The following KANK4 variants were observed in gnomAD, a reference collection of about 807,000 sequenced individuals.
KANK4 encodes the protein KN motif and ankyrin repeat domain-containing protein 4.
KANK4 carries 50 observed loss-of-function variants against 80.8 expected under a neutral mutation model. The ratio of observed to expected loss-of-function variants is 0.62; its 90% CI spans 0.49 to 0.78. KANK4 has a LOEUF of 0.78. KANK4 is among the 30% of genes least tolerant of loss of function. KANK4 has a pLI of 0.00. For synonymous variants in KANK4, 465 were observed against 506.9 expected, an observed-to-expected ratio of 0.92 and a Z score of 1.11; for missense variants, 1,196 against 1,240.1, an observed-to-expected ratio of 0.96 and a Z score of 0.53.
chr1:62,305,443 G>T (rs931623006), intron 1 of KANK4, among the ~76,000 whole-genome samples: 2 of 151,894 alleles, frequency 1.3e-5, no homozygotes, highest in Non-Finnish European at 2.9e-5. Flanking sequence ...CAAGTAGCTG[G>T]GATTACAGGC....
intron 6 of KANK4, among the ~76,000 whole-genome samples, chr1:62,263,663 C>A (rs1252947318): frequency 1.3e-5 from 2 of 152,082 alleles, no homozygotes; most frequent in African/African-American, 2.4e-5. Context: ...AGGCCCTCTC[C>A]TTCCCCCTCA....
At chr1:62,249,646 C>T (rs1671563786) in intron 8 of KANK4, among the ~76,000 whole-genome samples, 1 of 151,340 alleles carries the variant, frequency 6.6e-6, no homozygotes, top group Non-Finnish European at 1.5e-5. Context: ...GGGTTCAAGC[C>T]ATTCTCCTGC....
chr1:62,249,545 ATT>A (rs35046139), intron 8 of KANK4, among the ~76,000 whole-genome samples: 3 of 138,720 alleles, frequency 2.2e-5, no homozygotes, highest in African/African-American at 5.4e-5. Context: ...CATCTGGCCA[ATT>A]TTTTTTTTTT....
intron 1 of KANK4, among the ~76,000 whole-genome samples, chr1:62,300,435 A>T (rs1398373303): frequency 6.6e-6 from 1 of 152,022 alleles, no homozygotes; most frequent in Non-Finnish European, 1.5e-5. Flanking sequence ...CTAAACAAGG[A>T]CCTATGTGGT....
chr1:62,310,292 G>A (rs934841494), intron 1 of KANK4, among the ~76,000 whole-genome samples: 1 of 152,164 alleles, frequency 6.6e-6, no homozygotes, highest in African/African-American at 2.4e-5. Flanking sequence ...TAAGTGGTAA[G>A]GTTTCTTCCA....
At chr1:62,299,630 T>G (rs1644395218) in intron 1 of KANK4, among the ~76,000 whole-genome samples, 1 of 152,148 alleles carries the variant, frequency 6.6e-6, no homozygotes, top group Non-Finnish European at 1.5e-5. Flanking sequence ...GAGCCTACAG[T>G]GATGAGGACC....
chr1:62,291,960 A>C (rs961346631), intron 1 of KANK4, among the ~76,000 whole-genome samples: 10 of 152,268 alleles, frequency 6.6e-5, no homozygotes, highest in African/African-American at 2.4e-4. Flanking sequence ...ATTTGTTGAA[A>C]AGATCACCCT....
chr1:62,238,946 T>G (rs980066991), intron 9 of KANK4, among the ~76,000 whole-genome samples: 6 of 152,158 alleles, frequency 3.9e-5, no homozygotes, highest in Non-Finnish European at 8.8e-5. Context: ...TTTTCTACTT[T>G]AAATTGGAAA....
At chr1:62,254,698 C>G (rs572407564) in intron 7 of KANK4, among the ~76,000 whole-genome samples, 69 of 148,380 alleles carry the variant, frequency 4.7e-4, no homozygotes, top group Admixed American at 3.8e-3. Context: ...GGACTACAGG[C>G]GTGCATCACC....
At position 62,286,008 on chromosome 1, in the gene KANK4, G is replaced by A. The variant is rs548950557; in HGVS notation, c.-70-4374C>T. Among the ~76,000 whole-genome samples, 7 of 152,312 alleles carry A rather than the reference G, an allele frequency of 4.6e-5. No individual in the cohort carries two copies. In the South Asian group the frequency reaches 1.2e-3, roughly 27 times the overall value. ...GATTCTGCCAACTGAGTTCTCCAGC[G>A]GGCTCACCTCCTGCCGACCTGGCAA... On this transcript the variant is annotated intron_variant, in intron 1 of 9. Transcript: ENST00000371153.
intron 7 of KANK4, among the ~76,000 whole-genome samples, chr1:62,256,948 G>A (rs1671766055): frequency 6.6e-6 from 1 of 152,146 alleles, no homozygotes; most frequent in Non-Finnish European, 1.5e-5. Flanking sequence ...TTGCTTTTAA[G>A]ATGTGTAAAG....
At chr1:62,305,437 T>G (rs1182012331) in intron 1 of KANK4, among the ~76,000 whole-genome samples, 2 of 152,110 alleles carry the variant, frequency 1.3e-5, no homozygotes, top group Non-Finnish European at 2.9e-5. Context: ...GCCTCCCAAG[T>G]AGCTGGGATT....
rs1036592909 is a variant in KANK4 at position 62,303,222 on chromosome 1, T to A, written c.-71+15884A>T. On this transcript the variant is annotated intron_variant, in intron 1 of 9. Coordinates refer to ENST00000371153, the MANE Select transcript of KANK4 (RefSeq NM_181712.5). ...AGCAGATGAAGTCAAAGGGCATGGA[T>A]TTAATGGATCCAGCAGTCCCAAGAC... Among the ~76,000 whole-genome samples, 15 of 149,580 alleles carry A rather than the reference T, an allele frequency of 1.0e-4. No homozygotes were observed. The South Asian group carries it at 3.1e-3, about 31-fold the overall frequency.
chr1:62,284,375 C>A (rs1381102409), intron 1 of KANK4, among the ~76,000 whole-genome samples: 1 of 152,158 alleles, frequency 6.6e-6, no homozygotes, highest in Non-Finnish European at 1.5e-5. Flanking sequence ...AAAGCCATTT[C>A]TTTTGATCTC....
chr1:62,299,235 A>AT (rs1386540000), intron 1 of KANK4, among the ~76,000 whole-genome samples: 3 of 151,606 alleles, frequency 2.0e-5, no homozygotes, highest in South Asian at 4.2e-4. Flanking sequence ...TTTTTAAAAA[A>AT]TTTTTTGTAA....
rs559435060 is a variant in KANK4, at chr1:62,236,543, G to C, written c.*1734C>G. Among the ~76,000 whole-genome samples, 30 of 151,304 alleles carry C rather than the reference G, an allele frequency of 2.0e-4. No homozygotes were observed. Among genetic ancestry groups the C allele is most frequent in the African/African-American group, 7.0e-4 (29 of 41,188 alleles). ...TCTCTTATGAATCACAATGGCAAAA[G>C]AAGTTTGCTGTACCATTGCTGTAGA... On this transcript the variant is annotated 3_prime_UTR_variant, in exon 10 of 10. Transcript: ENST00000371153.
At chr1:62,242,667 A>G (rs2067994) in intron 9 of KANK4, among the ~76,000 whole-genome samples, 66,225 of 151,922 alleles carry the variant, frequency 0.44, 14,718 homozygotes, top group African/African-American at 0.46. Flanking sequence ...TGTTCTGGGA[A>G]TTCTGCATTT....
intron 1 of KANK4, among the ~76,000 whole-genome samples, chr1:62,296,511 G>T (rs148619183): frequency 1.8e-3 from 271 of 152,264 alleles, no homozygotes; most frequent in African/African-American, 6.0e-3. Flanking sequence ...TACTTAGAAG[G>T]CTCCGAAAGC....
intron 1 of KANK4, among the ~76,000 whole-genome samples, chr1:62,316,663 G>A (rs1571062490): frequency 1.3e-5 from 2 of 152,328 alleles, no homozygotes; most frequent in East Asian, 3.9e-4. Context: ...GCAGTTGGAG[G>A]AGAGTATCCA....
Sources: gnomAD v4.1 joint callset for allele counts (sites outside exome capture counted in the v4.1 genomes callset) on GRCh38, gnomAD v4.1.1 for gene constraint, MANE v1.5 for transcripts, NCBI Gene and HGNC (gene_info 2026-07-23, HGNC 2026-07-21) for gene names.